KLHL2: variants seen among roughly 807,000 people sequenced by gnomAD.
KLHL2 encodes the protein kelch like family member 2, also known as kelch-like protein 2.
In KLHL2, 15 loss-of-function variants were observed where a neutral mutation model predicts 75.8. The ratio of observed to expected loss-of-function variants is 0.20; its 90% CI spans 0.13 to 0.30. The LOEUF (loss-of-function observed/expected upper bound fraction) is 0.30. Ranked by LOEUF, KLHL2 falls within the 10% of genes least tolerant of loss-of-function variation. KLHL2 has a pLI of 1.00. For missense variants in KLHL2, 381 were observed against 741.0 expected (o/e 0.51, Z 5.64); for synonymous variants, 214 against 251.9 (o/e 0.85, Z 1.42).
At chr4:165,277,750 C>CAAAACAAA (rs1743248013) in intron 5 of KLHL2, 7 of 81,144 alleles carry the variant, frequency 8.6e-5, no homozygotes, top group Non-Finnish European at 1.1e-4. Context: ...ATGTTAAAAA[C>CAAAACAAA]ACACACACAC....
intron 5 of KLHL2, chr4:165,278,516 C>G: frequency 6.2e-7 from 1 of 1,609,080 alleles, no homozygotes; most frequent in Non-Finnish European, 8.5e-7. Context: ...GATTATCCCT[C>G]TTGCGCTGGG....
intron 5 of KLHL2, among the ~76,000 whole-genome samples, chr4:165,265,379 T>G (rs1742161667): frequency 6.6e-6 from 1 of 152,204 alleles, no homozygotes; most frequent in Admixed American, 6.5e-5. Flanking sequence ...TTTTTTTGTT[T>G]AATTAGGTCC....
At chr4:165,312,918 C>CT (rs1746312548) in intron 11 of KLHL2, among the ~76,000 whole-genome samples, 2 of 152,052 alleles carry the variant, frequency 1.3e-5, no homozygotes, top group South Asian at 4.2e-4. Context: ...GTATTTAATT[C>CT]TGTCTTACAG....
chr4:165,245,922 A>C (rs1182900671), intron 4 of KLHL2, among the ~76,000 whole-genome samples: 1 of 152,062 alleles, frequency 6.6e-6, no homozygotes, highest in Non-Finnish European at 1.5e-5. Flanking sequence ...AGTTTACTAA[A>C]TATTTATGGG....
chr4:165,240,389 C>G (rs1579020219), intron 4 of KLHL2: 1 of 152,200 alleles, frequency 6.6e-6, no homozygotes, highest in Non-Finnish European at 1.5e-5. Flanking sequence ...ATGTGAAATA[C>G]TGGCAGTAGT....
chr4:165,311,789 T>G (rs983229357), intron 11 of KLHL2, among the ~76,000 whole-genome samples: 1 of 147,908 alleles, frequency 6.8e-6, no homozygotes, highest in South Asian at 2.2e-4. Flanking sequence ...CCCCCTCCCT[T>G]TATCCCTCCT....
At chr4:165,268,903 A>G (rs1742460613) in intron 5 of KLHL2, among the ~76,000 whole-genome samples, 1 of 152,124 alleles carries the variant, frequency 6.6e-6, no homozygotes, top group Non-Finnish European at 1.5e-5. Flanking sequence ...TCTGTCTAAT[A>G]TTGACAGTGG....
chr4:165,299,430 C>A, intron 7 of KLHL2, 77 bp from the exon 8 acceptor site: 3 of 1,355,508 alleles, frequency 2.2e-6, no homozygotes, highest in Non-Finnish European at 3.0e-6. Flanking sequence ...TTTTCCTCTC[C>A]TTTACTTCTT....
Position 165,278,112 on chromosome 4 carries a change from C to G in KLHL2, c.544+14753C>G, listed in dbSNP as rs531289342. ...TCTGGAGATTGAGTTGTAACCCAAC[C>G]CATTGACTTCATCACAGCTTTCTTC... On this transcript the variant is annotated intron_variant, in intron 5 of 14. Coordinates refer to ENST00000226725, the MANE Select transcript of KLHL2 (RefSeq NM_007246.4). 14 of 1,555,260 alleles carry G rather than the reference C, an allele frequency of 9.0e-6. No homozygotes were observed. The Middle Eastern group carries it at 8.4e-4, about 94-fold the overall frequency.
intron 5 of KLHL2, among the ~76,000 whole-genome samples, chr4:165,291,199 T>A (rs1041905192): frequency 6.6e-6 from 1 of 152,166 alleles, no homozygotes; most frequent in African/African-American, 2.4e-5. Flanking sequence ...CTTCTTGACC[T>A]TTAAGTGCTC....
intron 4 of KLHL2, among the ~76,000 whole-genome samples, chr4:165,245,305 A>G (rs1740174252): frequency 6.6e-6 from 1 of 152,236 alleles, no homozygotes; most frequent in African/African-American, 2.4e-5. Flanking sequence ...GATGCTGCAG[A>G]GAACCTGGCC....
chr4:165,247,297 G>T (rs1444884824), intron 4 of KLHL2, among the ~76,000 whole-genome samples: 2 of 152,128 alleles, frequency 1.3e-5, no homozygotes, highest in African/African-American at 4.8e-5. Context: ...ATGAAAACTG[G>T]TTTGGAGTGG....
chr4:165,275,874 A>T (rs1186431101), intron 5 of KLHL2, among the ~76,000 whole-genome samples: 1 of 152,078 alleles, frequency 6.6e-6, no homozygotes, highest in Non-Finnish European at 1.5e-5. Context: ...CAATCCCAGC[A>T]CTTTGGGAGG....
chr4:165,267,653 G>C (rs1742344470), intron 5 of KLHL2, among the ~76,000 whole-genome samples: 1 of 152,062 alleles, frequency 6.6e-6, no homozygotes, highest in Non-Finnish European at 1.5e-5. Context: ...TGCATCCCAG[G>C]GATGAAGCTG....
chr4:165,287,144 C>T (rs1744156009), intron 5 of KLHL2, among the ~76,000 whole-genome samples: 1 of 152,144 alleles, frequency 6.6e-6, no homozygotes, highest in Admixed American at 6.5e-5. Context: ...ACCTTTTAAA[C>T]AACTCGTCTT....
rs190262426 is a variant in KLHL2, at chr4:165,268,262, A to G, written c.544+4903A>G. Among the ~76,000 whole-genome samples, 884 of 151,046 alleles carry G rather than the reference A, an allele frequency of 5.9e-3. 9 individuals are homozygous for G. Among genetic ancestry groups the G allele is most frequent in the African/African-American group, 0.02 (819 of 41,032 alleles). ...ATTTTGTGGATTTTTTTAAAAAACC[A>G]CCTCCTGGATTCATTGATTTTTTGA... On this transcript the variant is annotated intron_variant, in intron 5 of 14. Coordinates refer to ENST00000226725, the MANE Select transcript of KLHL2 (RefSeq NM_007246.4).
chr4:165,215,049 A>G (rs939584786), intron 1 of KLHL2, among the ~76,000 whole-genome samples: 1 of 152,206 alleles, frequency 6.6e-6, no homozygotes, highest in Non-Finnish European at 1.5e-5. Flanking sequence ...AAAAAGCTCT[A>G]TTTATTTGGT....
intron 5 of KLHL2, among the ~76,000 whole-genome samples, chr4:165,273,964 A>G (rs1467238916): frequency 6.6e-6 from 1 of 152,222 alleles, no homozygotes; most frequent in East Asian, 1.9e-4. Flanking sequence ...TTGTCCAGAA[A>G]ATTTACCCAA....
intron 4 of KLHL2, among the ~76,000 whole-genome samples, chr4:165,262,102 A>G (rs1209989201): frequency 6.6e-6 from 1 of 152,166 alleles, no homozygotes; most frequent in Non-Finnish European, 1.5e-5. Context: ...TAATTCACTT[A>G]CAAGGAAAAA....
Sources: gnomAD v4.1 joint callset for allele counts (sites outside exome capture counted in the v4.1 genomes callset) on GRCh38, gnomAD v4.1.1 for gene constraint, MANE v1.5 for transcripts, NCBI Gene and HGNC (gene_info 2026-07-23, HGNC 2026-07-21) for gene names.